Variants in PPP2R3A observed in about 807,000 individuals in gnomAD.
PPP2R3A encodes the protein serine/threonine-protein phosphatase 2A regulatory subunit B'' subunit alpha.
PPP2R3A carries 80 observed loss-of-function variants against 106.9 expected under a neutral mutation model. The ratio of observed to expected loss-of-function variants is 0.75; its 90% CI spans 0.62 to 0.90. The LOEUF (loss-of-function observed/expected upper bound fraction) is 0.90. Ranked by LOEUF, PPP2R3A falls within the 40% of genes least tolerant of loss-of-function variation. The pLI is 0.00. For synonymous variants in PPP2R3A, 483 were observed against 468.3 expected, an observed-to-expected ratio of 1.03 and a Z score of -0.41; for missense variants, 1,386 against 1,350.4, an observed-to-expected ratio of 1.03 and a Z score of -0.41.
chr3:136,013,028 TA>T (rs1273967623), intron 2 of PPP2R3A, among the ~76,000 whole-genome samples: 40 of 152,216 alleles, frequency 2.6e-4, no homozygotes, highest in Admixed American at 2.6e-3. Flanking sequence ...CTCTAGCTTA[TA>T]AGTGAGAACA....
chr3:136,033,956 C>T (rs1021874587), intron 3 of PPP2R3A, among the ~76,000 whole-genome samples: 2 of 150,284 alleles, frequency 1.3e-5, no homozygotes, highest in Non-Finnish European at 1.5e-5. Flanking sequence ...TTGGTTTGTT[C>T]CATTCTTGTT....
intron 5 of PPP2R3A, among the ~76,000 whole-genome samples, chr3:136,062,186 C>G (rs1168704040): frequency 6.6e-6 from 1 of 152,056 alleles, no homozygotes; most frequent in East Asian, 1.9e-4. Flanking sequence ...TTATAAGTTA[C>G]CTCTTTGCTT....
intron 4 of PPP2R3A, 120 bp downstream of exon 4, chr3:136,041,082 C>A: frequency 1.4e-6 from 1 of 715,252 alleles, no homozygotes. Context: ...TTTATATCAA[C>A]AAGGAAAATT....
At chr3:136,131,341 AAGT>A (rs1401606551) in intron 13 of PPP2R3A, among the ~76,000 whole-genome samples, 1 of 152,238 alleles carries the variant, frequency 6.6e-6, no homozygotes, top group Non-Finnish European at 1.5e-5. Context: ...CCCCATCAAA[AAGT>A]AGGCAAAGGA....
At chr3:135,992,187 G>A (rs1933196258) in intron 1 of PPP2R3A, among the ~76,000 whole-genome samples, 3 of 152,084 alleles carry the variant, frequency 2.0e-5, no homozygotes, top group African/African-American at 7.2e-5. Context: ...TCTGTTGGAA[G>A]CAGTTTCCAC....
intron 1 of PPP2R3A, among the ~76,000 whole-genome samples, chr3:135,988,042 A>G (rs1290417923): frequency 6.6e-6 from 1 of 152,004 alleles, no homozygotes; most frequent in Non-Finnish European, 1.5e-5. Flanking sequence ...CTGTCCCCTA[A>G]ACTCCAGGCT....
In PPP2R3A at chr3:136,145,414, A is replaced by G; in HGVS notation, c.*248A>G. 1 of 318,430 alleles carries G rather than the reference A, an allele frequency of 3.1e-6. No homozygotes were observed. The highest frequency in any genetic ancestry group is 1.0e-3 in the Middle Eastern group (1 of 996). The allele number at this position is 318,430 out of a possible 1,614,324, so 19.7% of individuals were successfully genotyped here. On this transcript the variant is annotated 3_prime_UTR_variant, in exon 14 of 14. Coordinates refer to ENST00000264977, the MANE Select transcript of PPP2R3A (RefSeq NM_002718.5). Reference sequence around the variant, plus strand: ...GGTACCATCGCCTTCCAAAGTCAGCACTCTACACTCTTGAATGTACCAAGG... The same window carrying G: ...GGTACCATCGCCTTCCAAAGTCAGCGCTCTACACTCTTGAATGTACCAAGG...
intron 1 of PPP2R3A, among the ~76,000 whole-genome samples, chr3:135,983,324 T>C (rs1276259026): frequency 1.3e-5 from 2 of 152,194 alleles, no homozygotes; most frequent in African/African-American, 4.8e-5. Flanking sequence ...GCACTGGCTA[T>C]GTGGTGGGGA....
chr3:136,033,823 T>C (rs752215109), intron 3 of PPP2R3A, among the ~76,000 whole-genome samples: 3 of 152,094 alleles, frequency 2.0e-5, no homozygotes, highest in Non-Finnish European at 4.4e-5. Flanking sequence ...TATTTATCTT[T>C]TCAAAGAACT....
At chr3:136,003,905 C>A (rs1933750388) in intron 2 of PPP2R3A, among the ~76,000 whole-genome samples, 1 of 152,170 alleles carries the variant, frequency 6.6e-6, no homozygotes, top group Non-Finnish European at 1.5e-5. Context: ...AACCAAGAGA[C>A]CAGTTGTTAC....
chr3:136,041,241 TTTTTTTTTG>T (rs1392626901), intron 4 of PPP2R3A, among the ~76,000 whole-genome samples: 75 of 66,236 alleles, frequency 1.1e-3, no homozygotes, highest in Middle Eastern at 0.014. Context: ...TTTTCTTGTT[TTTTTTTTTG>T]TTTTTTTTTT....
chr3:136,119,977 G>A (rs569723389), intron 13 of PPP2R3A, among the ~76,000 whole-genome samples: 16 of 152,244 alleles, frequency 1.1e-4, no homozygotes, highest in Admixed American at 1.0e-3. Context: ...GTGATAGACT[G>A]GATAAAGAAA....
chr3:136,054,043 T>C (rs1935772824), intron 5 of PPP2R3A, among the ~76,000 whole-genome samples: 1 of 152,154 alleles, frequency 6.6e-6, no homozygotes, highest in Non-Finnish European at 1.5e-5. Context: ...GAGAATTTTT[T>C]TGGGGGGGAA....
chr3:136,037,193 G>A (rs1014785437), intron 3 of PPP2R3A, among the ~76,000 whole-genome samples: 6 of 152,358 alleles, frequency 3.9e-5, no homozygotes, highest in Admixed American at 3.9e-4. Flanking sequence ...AGAAAACTCT[G>A]TGTTTATGGA....
chr3:136,020,039 C>T (rs1300614437), intron 2 of PPP2R3A, among the ~76,000 whole-genome samples: 1 of 152,084 alleles, frequency 6.6e-6, no homozygotes, highest in Non-Finnish European at 1.5e-5. Context: ...TTTATCATCT[C>T]TCTAGCTTCA....
intron 5 of PPP2R3A, among the ~76,000 whole-genome samples, chr3:136,062,717 CAA>C (rs34662666): frequency 1.5e-3 from 171 of 114,464 alleles, no homozygotes; most frequent in African/African-American, 2.0e-3. Context: ...GACTCCATCT[CAA>C]AAAAAAAAAA....
intron 3 of PPP2R3A, among the ~76,000 whole-genome samples, chr3:136,029,420 G>A (rs1356591819): frequency 6.6e-6 from 1 of 152,150 alleles, no homozygotes; most frequent in Non-Finnish European, 1.5e-5. Flanking sequence ...GTGGCTCGGG[G>A]CCTTGCTAGC....
intron 2 of PPP2R3A, among the ~76,000 whole-genome samples, chr3:136,010,182 C>A (rs950938368): frequency 6.6e-6 from 1 of 151,732 alleles, no homozygotes; most frequent in Non-Finnish European, 1.5e-5. Flanking sequence ...TACTAAATAT[C>A]TTCTCCCTTT....
intron 13 of PPP2R3A, among the ~76,000 whole-genome samples, chr3:136,140,442 T>TAAAAAAAA (rs199699500): frequency 2.1e-4 from 18 of 87,242 alleles, no homozygotes; most frequent in African/African-American, 7.2e-4. Context: ...TGAGACTCTT[T>TAAAAAAAA]AAAAAAAAAA....
Sources: allele counts gnomAD v4.1 joint callset (sites outside exome capture counted in the v4.1 genomes callset), GRCh38; gene constraint gnomAD v4.1.1; transcripts MANE v1.5; gene names NCBI Gene and HGNC (gene_info 2026-07-23, HGNC 2026-07-21).